Variants in NUP42 observed in about 807,000 individuals in gnomAD.
NUP42 encodes the protein nucleoporin 42.
A neutral mutation model predicts 35.9 loss-of-function variants in NUP42; 47 were observed. The observed-to-expected ratio is 1.31, with a 90% CI of 1.04 to 1.67. The LOEUF (loss-of-function observed/expected upper bound fraction) is 1.67, where lower values mean the gene tolerates loss of function less well. Ranked by LOEUF, NUP42 falls within the 40% of genes most tolerant of loss-of-function variation. The probability of loss-of-function intolerance (pLI) is 0.00; values close to 1 mark genes in which losing one functional copy is unlikely to be tolerated. For synonymous variants in NUP42, 173 were observed against 173.3 expected (o/e 1.00, Z 0.01); for missense variants, 514 against 492.2 (o/e 1.04, Z -0.42).
chr7:23,199,542 G>C lies in NUP42; in HGVS notation c.694G>C (p.Gly232Arg). 1.2e-6 allele frequency: 2 copies of C among 1,612,560 alleles called. No homozygotes were observed. The highest frequency in any genetic ancestry group is 1.1e-5 in the South Asian group (1 of 91,060). Residue 232 changes from glycine (G) to arginine (R), a missense_variant and splice_region_variant, in exon 6 of 7, where the codon GGC (glycine) becomes CGC (arginine). By Grantham distance (125) the Gly-to-Arg change is moderately radical (BLOSUM62 -2). Transcript: ENST00000258742. ...SSQAATFMSP[G>R]FPVNNSSSDN... is the part of the protein sequence containing the mutation. ...TCAAGCAGCAACATTTATGTCGCCA[G>C]GTAAGTGATAAAGTAATGCAGGACT... is the stretch of plus-strand genomic sequence containing the variant.
intron 1 of NUP42, among the ~76,000 whole-genome samples, chr7:23,183,915 T>G (rs1583756273): frequency 6.6e-6 from 1 of 150,580 alleles, no homozygotes; most frequent in South Asian, 2.1e-4. Context: ...TAGGGTAGTT[T>G]AGAGTTGCAG....
intron 3 of NUP42, among the ~76,000 whole-genome samples, chr7:23,189,408 G>T (rs1043688372): frequency 6.7e-6 from 1 of 150,056 alleles, no homozygotes; most frequent in Non-Finnish European, 1.5e-5. Flanking sequence ...TGAAGCCAGG[G>T]GTTTGAGACC....
chr7:23,182,305 G>A (rs750493983), intron 1 of NUP42, 99 bp downstream of exon 1: 51 of 1,505,818 alleles, frequency 3.4e-5, no homozygotes, highest in Non-Finnish European at 4.2e-5. Context: ...TGACCCCAAC[G>A]TGCCCGCGTC....
At chr7:23,190,000 CA>C (rs1583765623) in intron 3 of NUP42, among the ~76,000 whole-genome samples, 1 of 151,944 alleles carries the variant, frequency 6.6e-6, no homozygotes, top group East Asian at 1.9e-4. Context: ...TGGCATTTTT[CA>C]AATGACTTAT....
intron 1 of NUP42, 168 bp downstream of exon 1, chr7:23,182,374 A>G (rs1365787089): frequency 2.8e-6 from 4 of 1,421,748 alleles, no homozygotes; most frequent in South Asian, 1.5e-5. Flanking sequence ...GGTTTTATCT[A>G]CATATTATTC....
intron 3 of NUP42, among the ~76,000 whole-genome samples, chr7:23,191,421 TTC>T (rs1785788410): frequency 6.6e-6 from 1 of 152,150 alleles, no homozygotes; most frequent in Admixed American, 6.5e-5. Flanking sequence ...CATATTTGGG[TTC>T]TCTGTTGGAG....
At chr7:23,193,150 C>T (rs563999159) in intron 3 of NUP42, among the ~76,000 whole-genome samples, 13 of 152,126 alleles carry the variant, frequency 8.5e-5, no homozygotes, top group Middle Eastern at 6.8e-3. Flanking sequence ...TGAAGACCTT[C>T]GCGGTGAGTG....
chr7:23,187,936 GTCTCTCTCTC>G, intron 3 of NUP42: 1 of 478,564 alleles, frequency 2.1e-6, no homozygotes, highest in Non-Finnish European at 3.6e-6. Context: ...AATATTCTCT[GTCTCTCTCTC>G]TCTCTCTGGC....
intron 3 of NUP42, 137 bp from the exon 4 acceptor site, chr7:23,195,702 G>A (rs1785988005): frequency 3.3e-6 from 2 of 606,642 alleles, no homozygotes; most frequent in Non-Finnish European, 5.7e-6. Flanking sequence ...TAAGTAGAGT[G>A]TAGGCTTTAA....
At chr7:23,194,116 C>A (rs979889255) in intron 3 of NUP42, among the ~76,000 whole-genome samples, 27 of 152,328 alleles carry the variant, frequency 1.8e-4, no homozygotes, top group African/African-American at 6.3e-4. Context: ...TCCCTCCACA[C>A]CTCCCTGCAA....
At chr7:23,190,728 C>T (rs2128473543) in intron 3 of NUP42, among the ~76,000 whole-genome samples, 1 of 152,118 alleles carries the variant, frequency 6.6e-6, no homozygotes, top group South Asian at 2.1e-4. Flanking sequence ...GAAGTCCTTG[C>T]CCATACATAT....
chr7:23,196,596 CA>C, intron 4 of NUP42, 83 bp from the exon 5 acceptor site: 1 of 1,000,700 alleles, frequency 1.0e-6, no homozygotes, highest in Non-Finnish European at 1.5e-6. Context: ...GTGATTTTGG[CA>C]AAGAAGTATG....
At position 23,200,277 on chromosome 7, in the gene NUP42, C is replaced by A; in HGVS notation, c.804C>A (p.Ser268=). 6.2e-7 allele frequency: 1 copy of A among 1,603,054 alleles called. No homozygotes were observed. Reference sequence around the variant, plus strand: ...GAAGCCCTGCTGGTTTTGGGAGTTCCCCAGCATTTGGAGCTGCAGCCTCTA... The same window carrying A: ...GAAGCCCTGCTGGTTTTGGGAGTTCACCAGCATTTGGAGCTGCAGCCTCTA... ...SSGSPAGFGS[S]PAFGAAASTS... The change falls in exon 7 of 7, where the codon TCC becomes TCA. Residue 268 remains serine (S), a synonymous_variant. Transcript: ENST00000258742.
chr7:23,186,932 A>C (rs1785614221), intron 2 of NUP42, 120 bp from the exon 3 acceptor site: 4 of 649,690 alleles, frequency 6.2e-6, no homozygotes, highest in Non-Finnish European at 1.0e-5. Context: ...CTCTTCAGAA[A>C]ATATAATGGA....
chr7:23,187,200 A>G, intron 3 of NUP42, 54 bp downstream of exon 3: 9 of 1,205,550 alleles, frequency 7.5e-6, no homozygotes, highest in Non-Finnish European at 1.1e-5. Flanking sequence ...TTATTTTCTA[A>G]AACCAAAAGA....
intron 1 of NUP42, 142 bp downstream of exon 1, chr7:23,182,348 A>G (rs972165676): frequency 2.5e-5 from 36 of 1,440,494 alleles, no homozygotes; most frequent in Admixed American, 5.6e-5. Flanking sequence ...GCCCTGCACA[A>G]CGTTTTTAAA....
rs769108678 is a variant in NUP42 at position 23,182,090 on chromosome 7, C to A, written c.5C>A (p.Ala2Asp). The change falls in exon 1 of 7, where the codon GCC (alanine) becomes GAC (aspartate). Residue 2 changes from alanine (A) to aspartate (D), a missense_variant. Transcript: ENST00000258742. ...TCCGTCAGCGACGCCGTCGCAATGG[C>A]CATTTGTCAATTCTTCCTTCAAGGC... MAICQFFLQGRC... is the reference protein window; with the variant it reads MDICQFFLQGRC... The A allele has an allele frequency of 2.5e-6, 4 of 1,613,974 alleles. No individual in the cohort carries two copies. Among genetic ancestry groups the A allele is most frequent in the Non-Finnish European group, 3.4e-6 (4 of 1,180,024 alleles).
chr7:23,200,365 G>A lies in NUP42; in HGVS notation c.892G>A (p.Ala298Thr), dbSNP rs759706407. ...ATTTGGGAAGCCTGAAGTCACATCGGCTGCATCATTTTCATTCAAAAGCCC... is the reference window on the plus strand; with the variant it reads ...ATTTGGGAAGCCTGAAGTCACATCGACTGCATCATTTTCATTCAAAAGCCC... ...FGFGKPEVTS[A>T]ASFSFKSPAA... Residue 298 changes from alanine (A) to threonine (T), a missense_variant, in exon 7 of 7, where the codon GCT (alanine) becomes ACT (threonine). Transcript: ENST00000258742. The A allele has an allele frequency of 6.2e-6, 10 of 1,613,434 alleles. No homozygotes were observed. In the South Asian group the frequency reaches 8.8e-5, roughly 14 times the overall value.
Position 23,195,903 on chromosome 7 carries a change from C to G in NUP42, c.510C>G (p.Asn170Lys), listed in dbSNP as rs988100738. Reference protein sequence around the residue: ...LEYHNFLTSNNLQSYLNSVQR... With the variant: ...LEYHNFLTSNKLQSYLNSVQR... ...ACCATAACTTCTTAACCAGCAATAA[C>G]TTACAGAGTTATGTAAGTTTGTTTC... is the stretch of plus-strand genomic sequence containing the variant. Residue 170 changes from asparagine to lysine, a missense_variant, in exon 4 of 7, where the codon AAC (asparagine) becomes AAG (lysine). Asn to Lys is a moderately conservative substitution (Grantham distance 94). Coordinates refer to ENST00000258742, the MANE Select transcript of NUP42 (RefSeq NM_007342.3). 3 of 1,596,112 alleles carry G rather than the reference C, an allele frequency of 1.9e-6. No individual in the cohort carries two copies. The highest frequency in any genetic ancestry group is 2.6e-6 in the Non-Finnish European group (3 of 1,168,080).
Sources: allele counts gnomAD v4.1 joint callset (sites outside exome capture counted in the v4.1 genomes callset), GRCh38; gene constraint gnomAD v4.1.1; transcripts MANE v1.5; gene names NCBI Gene and HGNC (gene_info 2026-07-23, HGNC 2026-07-21).